Variants in GALNT14 observed in about 807,000 individuals in gnomAD.
GALNT14 encodes polypeptide N-acetylgalactosaminyltransferase 14, also known as UDP-GalNAc:polypeptide N-acetylgalactosaminyltransferase 14.
In GALNT14, 60 loss-of-function variants were observed where a neutral mutation model predicts 77.5. That is an observed-to-expected ratio of 0.77 (90% CI 0.63 to 0.96). The LOEUF (loss-of-function observed/expected upper bound fraction) is 0.96. GALNT14 is among the 40% of genes least tolerant of loss of function. The pLI, the probability that GALNT14 is intolerant of heterozygous loss-of-function variation, is 0.00. For synonymous variants in GALNT14, 280 were observed against 281.7 expected (o/e 0.99, Z 0.06); for missense variants, 710 against 731.0 (o/e 0.97, Z 0.33).
At chr2:31,121,574 G>A (rs10190183) in intron 1 of GALNT14, among the ~76,000 whole-genome samples, 3 of 151,856 alleles carry the variant, frequency 2.0e-5, no homozygotes, top group East Asian at 3.9e-4. Context: ...TAACTTTTCC[G>A]CAGTCTGGCC....
intron 1 of GALNT14, among the ~76,000 whole-genome samples, chr2:31,100,817 C>A (rs6760532): frequency 0.59 from 90,059 of 151,796 alleles, 27,847 homozygotes; most frequent in African/African-American, 0.76. Context: ...TAATCCACCT[C>A]ACCTACTGAA....
At chr2:30,911,477 C>G (rs755730963) in intron 14 of GALNT14, among the ~76,000 whole-genome samples, 4 of 152,090 alleles carry the variant, frequency 2.6e-5, no homozygotes, top group Non-Finnish European at 5.9e-5. Flanking sequence ...TGTCAGCACA[C>G]GACGGGCCAG....
At chr2:31,037,010 A>G (rs1217247439) in intron 1 of GALNT14, among the ~76,000 whole-genome samples, 1 of 152,128 alleles carries the variant, frequency 6.6e-6, no homozygotes, top group Non-Finnish European at 1.5e-5. Context: ...AACTTCTTCT[A>G]TATGTAGATA....
chr2:30,923,056 C>CTTTT (rs56163710), intron 13 of GALNT14, among the ~76,000 whole-genome samples: 55 of 116,526 alleles, frequency 4.7e-4, no homozygotes, highest in African/African-American at 1.7e-3. Flanking sequence ...ACAAACGTGC[C>CTTTT]TTTTTTTTTT....
chr2:31,021,379 A>G (rs1671707053), intron 1 of GALNT14, among the ~76,000 whole-genome samples: 1 of 149,300 alleles, frequency 6.7e-6, no homozygotes, highest in South Asian at 2.2e-4. Flanking sequence ...ATCTCGGCTC[A>G]CTGCAACCTC....
At chr2:30,901,626 C>T in the GALNT14 span, among the ~76,000 whole-genome samples, 1 of 150,318 alleles carries the variant, frequency 6.7e-6, no homozygotes, top group African/African-American at 2.5e-5. Context: ...ATTCCATTTC[C>T]TTTAATACAT....
downstream of GALNT14, among the ~76,000 whole-genome samples, chr2:30,908,493 A>C (rs377208536): frequency 6.9e-6 from 1 of 144,466 alleles, no homozygotes; most frequent in East Asian, 2.0e-4. Context: ...TAGGAATCCA[A>C]CTTACAAGGG....
intron 1 of GALNT14, among the ~76,000 whole-genome samples, chr2:31,044,063 C>A (rs1274438669): frequency 6.6e-6 from 1 of 152,136 alleles, no homozygotes; most frequent in Non-Finnish European, 1.5e-5. Flanking sequence ...GAAGGACTAG[C>A]GACATATTTT....
intron 6 of GALNT14, among the ~76,000 whole-genome samples, chr2:30,948,544 C>T (rs889897): frequency 0.33 from 50,938 of 152,088 alleles, 8,661 homozygotes; most frequent in East Asian, 0.51. Context: ...GATATCGAGG[C>T]TTGCGGGGAG....
At chr2:31,126,948 A>G (rs577012503) in intron 1 of GALNT14, 1 of 152,244 alleles carries the variant, frequency 6.6e-6, no homozygotes. Context: ...AACAGAAACC[A>G]GTGGCTATAT....
chr2:31,138,414 C>T lies in GALNT14; in HGVS notation c.-328G>A, dbSNP rs1031206461. 5.6e-6 allele frequency: 2 copies of T among 355,410 alleles called. No homozygotes were observed. The highest frequency in any genetic ancestry group is 1.0e-5 in the Non-Finnish European group (2 of 198,194). The allele number at this position is 355,410 out of a possible 1,614,324, so 22.0% of individuals were successfully genotyped here. The stretch of plus-strand genomic sequence containing the variant: ...CGGCTGCCGCCGCCGCCGCCGCCGC[C>T]TTGCCCGCTGCCGCCGATAGGGAAA... On this transcript the variant is annotated 5_prime_UTR_variant, in exon 1 of 15. Transcript: ENST00000349752.
At chr2:31,030,755 T>C (rs551150120) in intron 1 of GALNT14, among the ~76,000 whole-genome samples, 2 of 152,242 alleles carry the variant, frequency 1.3e-5, no homozygotes, top group East Asian at 1.9e-4. Flanking sequence ...GTCTGAGAAA[T>C]GTTTGTAGGC....
chr2:30,933,908 G>A (rs1477165827), intron 9 of GALNT14, among the ~76,000 whole-genome samples: 2 of 152,314 alleles, frequency 1.3e-5, no homozygotes, highest in East Asian at 1.9e-4. Flanking sequence ...CTGTGTAAAC[G>A]CTAAGTGTGA....
the GALNT14 span, among the ~76,000 whole-genome samples, chr2:30,899,573 T>G: frequency 0.021 from 3,161 of 152,102 alleles, 133 homozygotes; most frequent in African/African-American, 0.072. Flanking sequence ...ACCCAAGGTT[T>G]TTTTTTTTTT....
chr2:31,082,558 G>A (rs527906577), intron 1 of GALNT14, among the ~76,000 whole-genome samples: 1 of 152,318 alleles, frequency 6.6e-6, no homozygotes, highest in South Asian at 2.1e-4. Context: ...AGGCAATTAT[G>A]CAAGGGTTGA....
intron 1 of GALNT14, among the ~76,000 whole-genome samples, chr2:31,019,049 T>G (rs1245338152): frequency 6.6e-6 from 1 of 152,134 alleles, no homozygotes. Flanking sequence ...CCATCTCACA[T>G]CATCCTGAGA....
chr2:31,104,556 C>T (rs1444966242), intron 1 of GALNT14, among the ~76,000 whole-genome samples: 1 of 152,170 alleles, frequency 6.6e-6, no homozygotes, highest in Admixed American at 6.5e-5. Flanking sequence ...TTTTCACTTC[C>T]AGGTCCAGGA....
At chr2:31,017,309 A>G (rs962446334) in intron 1 of GALNT14, among the ~76,000 whole-genome samples, 1 of 152,314 alleles carries the variant, frequency 6.6e-6, no homozygotes, top group Non-Finnish European at 1.5e-5. Context: ...TATACCTGCC[A>G]TCTTCTGTTC....
Position 30,924,117 on chromosome 2 carries a change from A to G in GALNT14, c.1380+2T>C. ...TCCTGTATGCCCAGCCAGTTACTTT[A>G]CCTGGGACTTTGCATCTTCGCCTTT... is the stretch of plus-strand genomic sequence containing the variant. On this transcript the variant is annotated splice_donor_variant, in intron 13 of 14. Coordinates refer to ENST00000349752, the MANE Select transcript of GALNT14 (RefSeq NM_024572.4). LOFTEE classifies it high-confidence loss of function. The G allele has an allele frequency of 6.2e-7, 1 of 1,614,170 alleles. No homozygotes were observed. Among genetic ancestry groups the G allele is most frequent in the East Asian group, 2.2e-5 (1 of 44,876 alleles).
Sources: allele counts gnomAD v4.1 joint callset (sites outside exome capture counted in the v4.1 genomes callset), GRCh38; gene constraint gnomAD v4.1.1; transcripts MANE v1.5; gene names NCBI Gene and HGNC (gene_info 2026-07-23, HGNC 2026-07-21).